The following TCF7L2 variants were observed in gnomAD, a reference collection of about 807,000 sequenced individuals.
TCF7L2 encodes the protein transcription factor 7 like 2, also known as transcription factor 7-like 2.
TCF7L2 carries 23 observed loss-of-function variants against 77.9 expected under a neutral mutation model. That is an observed-to-expected ratio of 0.30 (90% CI 0.21 to 0.42). TCF7L2 has a LOEUF of 0.42. TCF7L2 is among the 10% of genes least tolerant of loss of function. The probability of loss-of-function intolerance (pLI) is 1.00; values close to 1 mark genes in which losing one functional copy is unlikely to be tolerated. For missense variants in TCF7L2, 654 were observed against 793.1 expected (o/e 0.82, Z 2.11); for synonymous variants, 413 against 340.2 (o/e 1.21, Z -2.36).
chr10:113,118,520 G>GGTGTGTGTGTGTGTGTGTGTGTGTGT (rs34806588), intron 5 of TCF7L2, among the ~76,000 whole-genome samples: 1 of 141,442 alleles, frequency 7.1e-6, no homozygotes, highest in Admixed American at 7.2e-5. Context: ...TCATCTGGGG[G>GGTGTGTGTGTGTGTGTGTGTGTGTGT]GTGTGTGTGT....
chr10:113,012,732 A>G (rs2046666935), intron 4 of TCF7L2, among the ~76,000 whole-genome samples: 1 of 152,188 alleles, frequency 6.6e-6, no homozygotes, highest in East Asian at 1.9e-4. Flanking sequence ...TCATTTCTGT[A>G]GCTTCCTTCT....
intron 12 of TCF7L2, among the ~76,000 whole-genome samples, chr10:113,159,262 T>A (rs2072619998): frequency 6.6e-6 from 1 of 152,298 alleles, no homozygotes; most frequent in Admixed American, 6.5e-5. Flanking sequence ...AACTAACTCC[T>A]AACAGCTCAT....
chr10:113,095,716 C>T (rs2060886293), intron 5 of TCF7L2, among the ~76,000 whole-genome samples: 1 of 152,180 alleles, frequency 6.6e-6, no homozygotes, highest in Admixed American at 6.5e-5. Context: ...AAACGCTATC[C>T]TTTTCATTTT....
intron 5 of TCF7L2, among the ~76,000 whole-genome samples, chr10:113,049,217 G>A (rs919927652): frequency 6.6e-6 from 1 of 151,918 alleles, no homozygotes; most frequent in African/African-American, 2.4e-5. Context: ...TCTTCTGAGT[G>A]CCAGATTCAG....
chr10:112,978,880 G>A (rs1232238863), intron 4 of TCF7L2, among the ~76,000 whole-genome samples: 1 of 151,938 alleles, frequency 6.6e-6, no homozygotes, highest in Admixed American at 6.6e-5. Context: ...TGTGCACAAC[G>A]TGCAGGTTTG....
chr10:113,071,028 A>C (rs1289410030), intron 5 of TCF7L2, among the ~76,000 whole-genome samples: 2 of 152,186 alleles, frequency 1.3e-5, no homozygotes, highest in Non-Finnish European at 2.9e-5. Flanking sequence ...ATATAGATGA[A>C]ATCATAGGCC....
At chr10:113,072,690 C>T (rs1419031054) in intron 5 of TCF7L2, among the ~76,000 whole-genome samples, 6 of 152,124 alleles carry the variant, frequency 3.9e-5, no homozygotes, top group Non-Finnish European at 5.9e-5. Context: ...ATAAAAAGAG[C>T]CAACCCAAAA....
chr10:113,056,453 G>A (rs769169112), intron 5 of TCF7L2, among the ~76,000 whole-genome samples: 5 of 152,152 alleles, frequency 3.3e-5, no homozygotes, highest in South Asian at 2.1e-4. Flanking sequence ...CAAAAAACCC[G>A]TCTCCAGGAG....
chr10:113,018,056 G>T (rs958567448), intron 4 of TCF7L2, among the ~76,000 whole-genome samples: 2 of 152,186 alleles, frequency 1.3e-5, no homozygotes, highest in Non-Finnish European at 2.9e-5. Flanking sequence ...GCTGGGTGCT[G>T]GGGGAACTAT....
intron 5 of TCF7L2, among the ~76,000 whole-genome samples, chr10:113,112,199 T>C (rs900898210): frequency 2.6e-5 from 4 of 152,230 alleles, no homozygotes; most frequent in Admixed American, 6.5e-5. Context: ...CATGACATAA[T>C]TCAATTTTAC....
chr10:112,996,057 A>G (rs1168923612), intron 4 of TCF7L2, among the ~76,000 whole-genome samples: 1 of 152,182 alleles, frequency 6.6e-6, no homozygotes, highest in Non-Finnish European at 1.5e-5. Context: ...TACATTCATT[A>G]ACTCATTTAC....
At chr10:112,988,286 A>G (rs1173762232) in intron 4 of TCF7L2, among the ~76,000 whole-genome samples, 1 of 151,776 alleles carries the variant, frequency 6.6e-6, no homozygotes, top group Non-Finnish European at 1.5e-5. Context: ...TTTAGTAGTG[A>G]TGGGGTTTTG....
At chr10:113,100,565 A>G (rs1330887312) in intron 5 of TCF7L2, among the ~76,000 whole-genome samples, 1 of 152,164 alleles carries the variant, frequency 6.6e-6, no homozygotes, top group African/African-American at 2.4e-5. Context: ...TTAGAAAAAC[A>G]CAGTGGAAGA....
At chr10:112,987,507 C>A (rs749867186) in intron 4 of TCF7L2, 10 of 151,114 alleles carry the variant, frequency 6.6e-5, no homozygotes, top group Non-Finnish European at 1.5e-4. Flanking sequence ...CTGGCGGATG[C>A]TCTCAAGAGC....
chr10:112,990,464 T>C (rs1311056350), intron 4 of TCF7L2, among the ~76,000 whole-genome samples: 1 of 152,066 alleles, frequency 6.6e-6, no homozygotes, highest in Admixed American at 6.5e-5. Flanking sequence ...CCCAGCACTT[T>C]GGGAGGCTGA....
intron 5 of TCF7L2, among the ~76,000 whole-genome samples, chr10:113,073,025 A>G (rs2058217041): frequency 6.6e-6 from 1 of 151,558 alleles, no homozygotes; most frequent in South Asian, 2.1e-4. Flanking sequence ...TATGCTGTTC[A>G]TGTCCCCAGG....
chr10:113,161,882 G>A (rs2073219105), intron 13 of TCF7L2, among the ~76,000 whole-genome samples: 1 of 152,194 alleles, frequency 6.6e-6, no homozygotes, highest in Non-Finnish European at 1.5e-5. Context: ...ACAGCCCTCT[G>A]CCTGTGGAAT....
At chr10:113,078,804 TCA>T (rs752080573) in intron 5 of TCF7L2, among the ~76,000 whole-genome samples, 27 of 152,170 alleles carry the variant, frequency 1.8e-4, no homozygotes, top group Admixed American at 3.9e-4. Flanking sequence ...GCCGCAGGGA[TCA>T]GTCAGATGGC....
At chr10:113,063,039 A>G (rs973139255) in intron 5 of TCF7L2, among the ~76,000 whole-genome samples, 2 of 152,132 alleles carry the variant, frequency 1.3e-5, no homozygotes, top group Non-Finnish European at 1.5e-5. Flanking sequence ...TGGACCTGCG[A>G]ACTCTGAATT....
Sources: allele counts gnomAD v4.1 joint callset (sites outside exome capture counted in the v4.1 genomes callset), GRCh38; gene constraint gnomAD v4.1.1; transcripts MANE v1.5; gene names NCBI Gene and HGNC (gene_info 2026-07-23, HGNC 2026-07-21).